The following WAC variants were observed in gnomAD, a reference collection of about 807,000 sequenced individuals.
The protein encoded by WAC is WW domain-containing adapter protein with coiled-coil.
WAC carries 11 observed loss-of-function variants against 79.6 expected under a neutral mutation model. That is an observed-to-expected ratio of 0.14 (90% CI 0.09 to 0.23). The LOEUF (loss-of-function observed/expected upper bound fraction) is 0.23, where lower values mean the gene tolerates loss of function less well. Among genes scored for constraint, WAC ranks in the 10% least tolerant of loss-of-function variants. The pLI is 1.00. For synonymous variants in WAC, 304 were observed against 276.9 expected, an observed-to-expected ratio of 1.10 and a Z score of -0.97; for missense variants, 728 against 773.5, an observed-to-expected ratio of 0.94 and a Z score of 0.70.
Position 28,534,038 on chromosome 10 carries a change from C to G in WAC, c.78+4C>G. On this transcript the variant is annotated splice_donor_region_variant and intron_variant, in intron 2 of 13. Transcript: ENST00000354911. ...GGGGGACTCGCAGCCTTACCAGGTA[C>G]CAGCCGAGGCCGGGGTGGAGGGATT... 1 of 1,579,596 alleles carries G rather than the reference C, an allele frequency of 6.3e-7. No homozygotes were observed. Among genetic ancestry groups the G allele is most frequent in the South Asian group, 1.1e-5 (1 of 88,434 alleles).
chr10:28,604,430 T>C (rs1840830094), intron 7 of WAC, among the ~76,000 whole-genome samples: 1 of 151,876 alleles, frequency 6.6e-6, no homozygotes, highest in Admixed American at 6.6e-5. Flanking sequence ...CTACAAGGGC[T>C]ACAGAGAAAA....
At chr10:28,597,162 G>A (rs1416254527) in intron 7 of WAC, among the ~76,000 whole-genome samples, 3 of 151,996 alleles carry the variant, frequency 2.0e-5, no homozygotes, top group Non-Finnish European at 4.4e-5. Flanking sequence ...TGCATAATGT[G>A]TCAGATTATT....
Position 28,549,431 on chromosome 10 carries a change from A to G in WAC, c.274+13674A>G, listed in dbSNP as rs80142243. Among the ~76,000 whole-genome samples, 7 of 152,280 alleles carry G rather than the reference A, an allele frequency of 4.6e-5. No individual in the cohort carries two copies. The East Asian group carries it at 1.4e-3, about 29-fold the overall frequency. ...GGACAGCCACCACCTAATGTTCTATAGATAATCTTCCTAAATCTTTTTCTA... is the reference window on the plus strand; with the variant it reads ...GGACAGCCACCACCTAATGTTCTATGGATAATCTTCCTAAATCTTTTTCTA... On this transcript the variant is annotated intron_variant, in intron 3 of 13. Coordinates refer to ENST00000354911, the MANE Select transcript of WAC (RefSeq NM_016628.5).
At chr10:28,585,688 G>T (rs9651358) in intron 4 of WAC, among the ~76,000 whole-genome samples, 1 of 151,860 alleles carries the variant, frequency 6.6e-6, no homozygotes, top group Non-Finnish European at 1.5e-5. Context: ...ACTTTACAAA[G>T]TAACACTAAC....
At chr10:28,611,086 CTT>C in intron 9 of WAC, 1 of 555,180 alleles carries the variant, frequency 1.8e-6, no homozygotes, top group Non-Finnish European at 2.9e-6. Context: ...TTAATTCAGA[CTT>C]TGTTATTAAT....
chr10:28,616,556 T>G (rs2132864419), intron 12 of WAC, among the ~76,000 whole-genome samples, 194 bp downstream of exon 12: 1 of 152,352 alleles, frequency 6.6e-6, no homozygotes, highest in South Asian at 2.1e-4. Context: ...TTAACATAAT[T>G]ATAGGCACTG....
chr10:28,584,910 A>T (rs1329530918), intron 4 of WAC, among the ~76,000 whole-genome samples: 9 of 152,120 alleles, frequency 5.9e-5, no homozygotes, highest in Admixed American at 2.6e-4. Context: ...TCTACTAAAG[A>T]TACAAAAGTT....
intron 3 of WAC, 192 bp downstream of exon 3, chr10:28,535,949 G>C (rs912248561): frequency 1.3e-5 from 7 of 532,850 alleles, no homozygotes; most frequent in Non-Finnish European, 1.8e-5. Context: ...CATCTAAAAA[G>C]TGGACTCTTA....
At position 28,622,384 on chromosome 10, in the gene WAC, G is replaced by C. The variant is rs1343064252; in HGVS notation, c.*2778G>C. ...TAGATACTTTGAAAATAGAAGTACT[G>C]AATAGCCTCTAGGGAACTTGAGTGG... On this transcript the variant is annotated 3_prime_UTR_variant, in exon 14 of 14. Transcript: ENST00000354911. The C allele has an allele frequency of 9.0e-6, 1 of 110,886 alleles. No individual in the cohort carries two copies. The highest frequency in any genetic ancestry group is 1.7e-5 in the Non-Finnish European group (1 of 59,132). The allele number at this position is 110,886 out of a possible 1,614,324, so 6.9% of individuals were successfully genotyped here.
At chr10:28,573,681 A>T (rs1426827044) in intron 3 of WAC, among the ~76,000 whole-genome samples, 2 of 152,172 alleles carry the variant, frequency 1.3e-5, no homozygotes, top group African/African-American at 4.8e-5. Flanking sequence ...TGTATAGTAG[A>T]TTGCTTTTTT....
intron 5 of WAC, among the ~76,000 whole-genome samples, chr10:28,590,458 G>C (rs564361556): frequency 3.3e-5 from 5 of 152,142 alleles, no homozygotes; most frequent in African/African-American, 1.2e-4. Context: ...AGGCCGTAAT[G>C]TTTCTTTCAC....
chr10:28,598,115 C>T (rs574286103), intron 7 of WAC, among the ~76,000 whole-genome samples: 4 of 152,138 alleles, frequency 2.6e-5, no homozygotes, highest in South Asian at 4.1e-4. Context: ...CCAGTCTATC[C>T]GCTTAACAGT....
rs972862757 is a variant in WAC at position 28,533,546 on chromosome 10, C to G, written c.-34C>G. The G allele has an allele frequency of 3.6e-6, 5 of 1,381,396 alleles. No individual in the cohort carries two copies. The highest frequency in any genetic ancestry group is 1.5e-5 in the South Asian group (1 of 65,068). 85.6% of individuals were successfully genotyped at this position (1,381,396 alleles called of 1,614,324 possible). A position where few individuals can be genotyped will look rare whatever the true frequency, so the allele number is the denominator to read the frequency against. ...GCCCGCCTTTCGCGGCCGCTCTCCC[C>G]CCTCCCCGACACACACTCACAGGCC... On this transcript the variant is annotated 5_prime_UTR_variant, in exon 1 of 14. Coordinates refer to ENST00000354911, the MANE Select transcript of WAC (RefSeq NM_016628.5).
At chr10:28,534,083 A>AGG in intron 2 of WAC, 49 bp downstream of exon 2, 2 of 1,529,712 alleles carry the variant, frequency 1.3e-6, no homozygotes, top group South Asian at 2.5e-5. Flanking sequence ...CGGAGGGGGA[A>AGG]GGGAGGGACT....
chr10:28,583,162 G>T (rs923319668), intron 3 of WAC, among the ~76,000 whole-genome samples: 32 of 152,100 alleles, frequency 2.1e-4, no homozygotes, highest in African/African-American at 7.7e-4. Flanking sequence ...GTTGTTATAT[G>T]CTGCTGTTCC....
At chr10:28,534,721 C>T (rs1381363584) in intron 2 of WAC, among the ~76,000 whole-genome samples, 1 of 152,216 alleles carries the variant, frequency 6.6e-6, no homozygotes, top group Non-Finnish European at 1.5e-5. Context: ...TGTTAACCAT[C>T]AGATGACTGC....
chr10:28,555,962 G>A (rs760059005), intron 3 of WAC, among the ~76,000 whole-genome samples: 5 of 152,164 alleles, frequency 3.3e-5, no homozygotes, highest in Admixed American at 2.0e-4. Context: ...TAGGACACCA[G>A]CCAAGCAGGA....
chr10:28,617,843 A>G, intron 13 of WAC, 59 bp downstream of exon 13: 1 of 1,496,900 alleles, frequency 6.7e-7, no homozygotes, highest in East Asian at 2.4e-5. Context: ...CTTAAATCGA[A>G]CTAAAGAATG....
At chr10:28,615,154 A>C (rs1841418511) in intron 11 of WAC, 1 of 153,528 alleles carries the variant, frequency 6.5e-6, no homozygotes, top group African/African-American at 2.4e-5. Context: ...CTTTTTAGAT[A>C]GTTCTATACT....
Sources: gnomAD v4.1 joint callset for allele counts (sites outside exome capture counted in the v4.1 genomes callset) on GRCh38, gnomAD v4.1.1 for gene constraint, MANE v1.5 for transcripts, NCBI Gene and HGNC (gene_info 2026-07-23, HGNC 2026-07-21) for gene names.